The following TESMIN variants were observed in gnomAD, a reference collection of about 807,000 sequenced individuals.
TESMIN encodes CXC domain containing 2.
TESMIN carries 34 observed loss-of-function variants against 47.4 expected under a neutral mutation model. The observed-to-expected ratio is 0.72, with a 90% confidence interval of 0.55 to 0.96. TESMIN has a LOEUF of 0.96. Among genes scored for constraint, TESMIN ranks in the 40% least tolerant of loss-of-function variants. The pLI, the probability that TESMIN is intolerant of heterozygous loss-of-function variation, is 0.00. For synonymous variants in TESMIN, 278 were observed against 258.9 expected (o/e 1.07, Z -0.71); for missense variants, 610 against 637.2 (o/e 0.96, Z 0.46).
intron 5 of TESMIN, among the ~76,000 whole-genome samples, chr11:68,741,072 A>G (rs577775596): frequency 2.0e-5 from 3 of 152,234 alleles, no homozygotes; most frequent in Middle Eastern, 3.4e-3. Flanking sequence ...TATCCCTAGA[A>G]GCTATTTCTT....
At chr11:68,736,731 T>A in intron 6 of TESMIN, 1 of 977,266 alleles carries the variant, frequency 1.0e-6, no homozygotes, top group Non-Finnish European at 1.2e-6. Context: ...TTGAAAATAA[T>A]CTAGTATAGA....
At chr11:68,725,275 T>C (rs1351307136) in intron 6 of TESMIN, among the ~76,000 whole-genome samples, 1 of 152,198 alleles carries the variant, frequency 6.6e-6, no homozygotes, top group Non-Finnish European at 1.5e-5. Context: ...AAAAATAAAA[T>C]TGAATCCCTA....
At chr11:68,719,009 C>A (rs754839147) in intron 6 of TESMIN, among the ~76,000 whole-genome samples, 126 of 152,144 alleles carry the variant, frequency 8.3e-4, no homozygotes, top group Admixed American at 1.8e-3. Flanking sequence ...GCTGTGAATC[C>A]CACAAGGAAG....
chr11:68,734,037 C>T (rs1946359463), intron 6 of TESMIN, among the ~76,000 whole-genome samples: 1 of 152,156 alleles, frequency 6.6e-6, no homozygotes, highest in Admixed American at 6.5e-5. Flanking sequence ...TTGTGCTCCT[C>T]TCCCCACTGA....
intron 8 of TESMIN, 147 bp from the exon 9 acceptor site, chr11:68,711,196 G>A: frequency 2.8e-6 from 2 of 715,142 alleles, no homozygotes; most frequent in East Asian, 5.4e-5. Context: ...GAGTGTGAAT[G>A]TGTGGGTGAG....
At chr11:68,716,759 C>T (rs1290038024) in intron 6 of TESMIN, among the ~76,000 whole-genome samples, 1 of 152,320 alleles carries the variant, frequency 6.6e-6, no homozygotes, top group East Asian at 1.9e-4. Flanking sequence ...TGGGCAAGGG[C>T]GACGCTCTCC....
chr11:68,721,893 T>A (rs1946207697), intron 6 of TESMIN, among the ~76,000 whole-genome samples: 1 of 152,204 alleles, frequency 6.6e-6, no homozygotes, highest in South Asian at 2.1e-4. Context: ...AGTGGGGGTA[T>A]AAAATGGTAT....
At position 68,750,716 on chromosome 11, in the gene TESMIN, G is replaced by T; in HGVS notation, c.-39-17C>A. On this transcript the variant is annotated splice_polypyrimidine_tract_variant and intron_variant, in intron 1 of 9. Transcript: ENST00000255087. ...GCCGCGCACCTGCAACACGCGGCCAGGTGAGAGGCAGCCAGAGGAGAGGAC... is the reference window on the plus strand; with the variant it reads ...GCCGCGCACCTGCAACACGCGGCCATGTGAGAGGCAGCCAGAGGAGAGGAC... The T allele has an allele frequency of 7.6e-7, 1 of 1,310,880 alleles. No homozygotes were observed. The highest frequency in any genetic ancestry group is 1.5e-5 in the South Asian group (1 of 65,276). 81.2% of individuals were successfully genotyped at this position (1,310,880 alleles called of 1,614,324 possible). A position where few individuals can be genotyped will look rare whatever the true frequency, so the allele number is the denominator to read the frequency against.
At chr11:68,738,985 C>CTGTCTGGAAGTGTGCAAAGA (rs1267205471) in intron 5 of TESMIN, among the ~76,000 whole-genome samples, 197 bp from the exon 6 acceptor site, 1 of 152,108 alleles carries the variant, frequency 6.6e-6, no homozygotes, top group Non-Finnish European at 1.5e-5. Flanking sequence ...GTGTCACAGC[C>CTGTCTGGAAGTGTGCAAAGA]TGTCTGGAAG....
downstream of TESMIN, among the ~76,000 whole-genome samples, chr11:68,707,256 A>T (rs1946007502): frequency 6.6e-6 from 1 of 152,228 alleles, no homozygotes; most frequent in Admixed American, 6.5e-5. Context: ...TTATGTGCCC[A>T]GTGCCTGGGC....
chr11:68,735,240 G>T (rs891250978), intron 6 of TESMIN, among the ~76,000 whole-genome samples: 9 of 152,314 alleles, frequency 5.9e-5, no homozygotes, highest in African/African-American at 1.7e-4. Context: ...TGTTCAGAGG[G>T]GGGGCTCTGA....
chr11:68,747,340 A>G lies in TESMIN; in HGVS notation c.498T>C (p.Thr166=). The change falls in exon 3 of 10, where the codon ACT becomes ACC. Residue 166 remains threonine (T), a synonymous_variant. Coordinates refer to ENST00000255087, the MANE Select transcript of TESMIN (RefSeq NM_004923.3). The part of the protein sequence containing the change: ...IPVEIKEAGG[T]TTSNNPEEAT... ...CTTCTTCCGGATTATTACTTGTAGTAGTACCACCTGCTTCCTTGATTTCAA... is the reference window on the plus strand; with the variant it reads ...CTTCTTCCGGATTATTACTTGTAGTGGTACCACCTGCTTCCTTGATTTCAA... 1.9e-6 allele frequency: 3 copies of G among 1,613,624 alleles called. No individual in the cohort carries two copies. The South Asian group carries it at 3.3e-5, about 18-fold the overall frequency.
In TESMIN at chr11:68,708,245, A is replaced by T. The variant is rs1308102693; in HGVS notation, c.*63T>A. 15 of 1,472,734 alleles carry T rather than the reference A, an allele frequency of 1.0e-5. No individual in the cohort carries two copies. In the East Asian group the frequency reaches 2.5e-4, roughly 25 times the overall value. 91.2% of individuals were successfully genotyped at this position (1,472,734 alleles called of 1,614,324 possible). A position where few individuals can be genotyped will look rare whatever the true frequency, so the allele number is the denominator to read the frequency against. On this transcript the variant is annotated 3_prime_UTR_variant, in exon 10 of 10. Transcript: ENST00000255087. ...GAGCCAGCCTCATGTTCCCCTAAAC[A>T]TCCTTTCTAAACTAGAGATTTCTAG... is the stretch of plus-strand genomic sequence containing the variant.
chr11:68,714,950 A>G (rs1946118745), intron 7 of TESMIN, among the ~76,000 whole-genome samples: 1 of 152,256 alleles, frequency 6.6e-6, no homozygotes, highest in Non-Finnish European at 1.5e-5. Flanking sequence ...ATCCCTAAAT[A>G]AAATGTACTA....
intron 8 of TESMIN, among the ~76,000 whole-genome samples, chr11:68,711,289 G>T (rs143570525): frequency 9.3e-5 from 13 of 139,560 alleles, no homozygotes; most frequent in African/African-American, 3.1e-4. Context: ...GTGTGTGTGT[G>T]TTGAGCGTGT....
chr11:68,740,508 T>C (rs189433401), intron 5 of TESMIN, among the ~76,000 whole-genome samples: 1 of 152,224 alleles, frequency 6.6e-6, no homozygotes, highest in East Asian at 1.9e-4. Context: ...GCAAGTACAA[T>C]GTGTGCCTTC....
intron 2 of TESMIN, among the ~76,000 whole-genome samples, chr11:68,749,827 T>C (rs1052750275): frequency 6.6e-6 from 1 of 152,172 alleles, no homozygotes; most frequent in African/African-American, 2.4e-5. Context: ...CAGACAATAG[T>C]TACCAGCAGA....
At chr11:68,751,132 C>T (rs1946600820) in intron 1 of TESMIN, among the ~76,000 whole-genome samples, 1 of 77,406 alleles carries the variant, frequency 1.3e-5, no homozygotes, top group Non-Finnish European at 2.7e-5. Flanking sequence ...GGAGGGGCGA[C>T]CAGGTAAGGG....
chr11:68,708,426 G>T lies in TESMIN; in HGVS notation c.1409C>A (p.Ala470Asp). 6.2e-7 allele frequency: 1 copy of T among 1,614,086 alleles called. No individual in the cohort carries two copies. Among genetic ancestry groups the T allele is most frequent in the Admixed American group, 1.7e-5 (1 of 60,010 alleles). ...CACLLAQGEE[A>D]EKEHCSKCLA... Reference sequence around the variant, plus strand: ...GCACTTGGAGCAGTGTTCTTTCTCGGCCTCTTCTCCCTGAGCAAGCAGGCA... The same window carrying T: ...GCACTTGGAGCAGTGTTCTTTCTCGTCCTCTTCTCCCTGAGCAAGCAGGCA... The change falls in exon 10 of 10, where the codon GCC becomes GAC. Residue 470 changes from alanine (A) to aspartate (D), a missense_variant. Ala to Asp is a moderately radical substitution (Grantham distance 126). Coordinates refer to ENST00000255087, the MANE Select transcript of TESMIN (RefSeq NM_004923.3).
Sources: allele counts gnomAD v4.1 joint callset (sites outside exome capture counted in the v4.1 genomes callset), GRCh38; gene constraint gnomAD v4.1.1; transcripts MANE v1.5; gene names NCBI Gene and HGNC (gene_info 2026-07-23, HGNC 2026-07-21).